The following PTCHD4 variants were observed in gnomAD, a reference collection of about 807,000 sequenced individuals.
PTCHD4 encodes the protein patched domain containing 4, also known as patched domain-containing protein 4.
A neutral mutation model predicts 58.1 loss-of-function variants in PTCHD4; 33 were observed. The observed-to-expected ratio is 0.57, with a 90% CI of 0.43 to 0.76. The LOEUF (loss-of-function observed/expected upper bound fraction) is 0.76, where lower values mean the gene tolerates loss of function less well. Ranked by LOEUF, PTCHD4 falls within the 30% of genes least tolerant of loss-of-function variation. PTCHD4 has a pLI of 0.00. For missense variants in PTCHD4, 1,058 were observed against 1,027.1 expected (o/e 1.03, Z -0.41); for synonymous variants, 478 against 409.6 (o/e 1.17, Z -2.02).
chr6:47,951,633 T>C (rs544619840), intron 4 of PTCHD4, among the ~76,000 whole-genome samples: 1 of 152,270 alleles, frequency 6.6e-6, no homozygotes, highest in South Asian at 2.1e-4. Context: ...CTGGATATTT[T>C]TGTATTTGTT....
chr6:47,982,494 T>TTTG (rs1379540317), intron 4 of PTCHD4, among the ~76,000 whole-genome samples: 2 of 149,206 alleles, frequency 1.3e-5, no homozygotes, highest in African/African-American at 4.9e-5. Context: ...TTTTTTTTTT[T>TTTG]TTTTTGTTTT....
chr6:48,048,018 TAAAAA>T (rs34442679), intron 3 of PTCHD4, among the ~76,000 whole-genome samples: 16 of 127,728 alleles, frequency 1.3e-4, no homozygotes, highest in African/African-American at 3.4e-4. Flanking sequence ...AGCATTCTAG[TAAAAA>T]AAAAAAAAAA....
intron 4 of PTCHD4, among the ~76,000 whole-genome samples, chr6:47,914,744 TTATCTATCTATCTATCTATC>T (rs148847302): frequency 8.6e-5 from 10 of 116,232 alleles, no homozygotes; most frequent in African/African-American, 2.7e-4. Context: ...TATCTATCTA[TTATCTATCTATCTATCTATC>T]TATCTATCTA....
At chr6:47,934,507 T>G (rs10485045) in intron 4 of PTCHD4, among the ~76,000 whole-genome samples, 24,122 of 152,102 alleles carry the variant, frequency 0.16, 2,296 homozygotes, top group African/African-American at 0.27. Flanking sequence ...CTAAATCTGG[T>G]AATGTAATCT....
rs923032666 is a variant in PTCHD4, at chr6:47,863,908, G to A, written c.*14395C>T. Among the ~76,000 whole-genome samples the A allele has an allele frequency of 6.6e-6, 1 of 151,974 alleles. No individual in the cohort carries two copies. The highest frequency in any genetic ancestry group is 2.4e-5 in the African/African-American group (1 of 41,414). ...ACCAACAGGTAGACTTGTCAGATAT[G>A]GCCTTAGTTCAGGTAATTTCTTTTC... On this transcript the variant is annotated 3_prime_UTR_variant, in exon 5 of 5. Coordinates refer to ENST00000339488, the MANE Select transcript of PTCHD4 (RefSeq NM_001384253.1).
Position 48,069,158 on chromosome 6 carries a change from G to A in PTCHD4, c.-201C>T, listed in dbSNP as rs1334904356. On this transcript the variant is annotated 5_prime_UTR_variant, in exon 2 of 5. Transcript: ENST00000339488. ...CCCATAAAGGGGGGGGGGGCTGAGG[G>A]GGGGAGAGGAGGGAGAAGGGCGGGA... Among the ~76,000 whole-genome samples the A allele has an allele frequency of 2.2e-5, 3 of 136,178 alleles. No homozygotes were observed. Among genetic ancestry groups the A allele is most frequent in the Admixed American group, 7.3e-5 (1 of 13,734 alleles). 89.3% of individuals were successfully genotyped at this position (136,178 alleles called of 152,430 possible).
intron 3 of PTCHD4, among the ~76,000 whole-genome samples, chr6:48,040,851 T>C (rs774223689): frequency 3.3e-5 from 5 of 152,022 alleles, no homozygotes; most frequent in Admixed American, 6.6e-5. Flanking sequence ...AATCTTCCTA[T>C]TGACCCATCA....
In PTCHD4 at chr6:47,864,926, A is replaced by T. The variant is rs563445329; in HGVS notation, c.*13377T>A. On this transcript the variant is annotated 3_prime_UTR_variant, in exon 5 of 5. Coordinates refer to ENST00000339488, the MANE Select transcript of PTCHD4 (RefSeq NM_001384253.1). Reference sequence around the variant, plus strand: ...CATAACATTGCAATACTACATCTTTATGGTAGAATAAAAGCATGTGCCTTA... The same window carrying T: ...CATAACATTGCAATACTACATCTTTTTGGTAGAATAAAAGCATGTGCCTTA... Among the ~76,000 whole-genome samples the T allele has an allele frequency of 7.9e-4, 14 of 17,794 alleles. No homozygotes were observed. The highest frequency in any genetic ancestry group is 1.7e-3 in the African/African-American group (14 of 8,184). 11.7% of individuals were successfully genotyped at this position (17,794 alleles called of 152,430 possible).
At position 47,877,415 on chromosome 6, in the gene PTCHD4, C is replaced by T. The variant is rs6939078; in HGVS notation, c.*888G>A. On this transcript the variant is annotated 3_prime_UTR_variant, in exon 5 of 5. Coordinates refer to ENST00000339488, the MANE Select transcript of PTCHD4 (RefSeq NM_001384253.1). The stretch of plus-strand genomic sequence containing the variant: ...GTCTTCCAAATACAGTAAAAGCCAA[C>T]GAAAATCCATATCAACTGTTTATTT... 0.67 allele frequency among the ~76,000 whole-genome samples: 101,355 copies of T among 151,874 alleles called. 34,311 individuals carry two copies. The highest frequency in any genetic ancestry group is 0.78 in the East Asian group (4,007 of 5,142).
At chr6:48,061,702 C>T (rs1280050215) in intron 3 of PTCHD4, among the ~76,000 whole-genome samples, 1 of 152,162 alleles carries the variant, frequency 6.6e-6, no homozygotes, top group Non-Finnish European at 1.5e-5. Context: ...TCTTAGAAAA[C>T]AAACTGAAAT....
At chr6:48,067,889 T>A (rs941924321) in intron 3 of PTCHD4, among the ~76,000 whole-genome samples, 1 of 152,308 alleles carries the variant, frequency 6.6e-6, no homozygotes, top group African/African-American at 2.4e-5. Context: ...GTCATACCAT[T>A]CATTGCCTGT....
At chr6:47,935,361 T>C (rs1265697358) in intron 4 of PTCHD4, among the ~76,000 whole-genome samples, 3 of 152,090 alleles carry the variant, frequency 2.0e-5, no homozygotes, top group Non-Finnish European at 4.4e-5. Flanking sequence ...TATGTTGGAG[T>C]CCTTTAAAAT....
In PTCHD4 at chr6:47,874,856, A is replaced by ATTCATC. The variant is rs1218139637; in HGVS notation, c.*3446_*3447insGATGAA. ...GACATCTAAACATGACTTTCATTAA[A>ATTCATC]AAGAATTAAGGCTGGTCTAAAGAAT... On this transcript the variant is annotated 3_prime_UTR_variant, in exon 5 of 5. Transcript: ENST00000339488. 6.6e-6 allele frequency among the ~76,000 whole-genome samples: 1 copy of ATTCATC among 151,850 alleles called. No homozygotes were observed. Among genetic ancestry groups the ATTCATC allele is most frequent in the East Asian group, 1.9e-4 (1 of 5,154 alleles).
intron 4 of PTCHD4, among the ~76,000 whole-genome samples, chr6:47,959,678 A>G (rs2113965152): frequency 6.6e-6 from 1 of 152,256 alleles, no homozygotes; most frequent in South Asian, 2.1e-4. Context: ...AGGACATATT[A>G]TATACATAGA....
At position 48,059,099 on chromosome 6, in the gene PTCHD4, T is replaced by C. The variant is rs1322022536; in HGVS notation, c.417+9131A>G. ...GAATGTATAATGAACCAGGTGCTGT[T>C]CTAAGCACCTTATAATCTTCCTACT... On this transcript the variant is annotated intron_variant, in intron 3 of 4. Coordinates refer to ENST00000339488, the MANE Select transcript of PTCHD4 (RefSeq NM_001384253.1). Among the ~76,000 whole-genome samples, 4 of 152,336 alleles carry C rather than the reference T, an allele frequency of 2.6e-5. No individual in the cohort carries two copies. The East Asian group carries it at 5.8e-4, about 22-fold the overall frequency.
chr6:48,065,900 T>C lies in PTCHD4; in HGVS notation c.417+2330A>G, dbSNP rs560622592. Among the ~76,000 whole-genome samples the C allele has an allele frequency of 2.1e-4, 32 of 152,324 alleles. 1 individual carries two copies. Among genetic ancestry groups the C allele is most frequent in the African/African-American group, 7.7e-4 (32 of 41,566 alleles). On this transcript the variant is annotated intron_variant, in intron 3 of 4. Coordinates refer to ENST00000339488, the MANE Select transcript of PTCHD4 (RefSeq NM_001384253.1). ...TTCTGTTCTTTTTATGCTATTATGA[T>C]ATTAACCTTTGTAATTAATGATTCC...
intron 4 of PTCHD4, among the ~76,000 whole-genome samples, chr6:47,942,606 T>C (rs1177235187): frequency 6.6e-6 from 1 of 152,150 alleles, no homozygotes; most frequent in African/African-American, 2.4e-5. Context: ...AAAAAGCAGG[T>C]CTTTTCAGTG....
intron 4 of PTCHD4, among the ~76,000 whole-genome samples, chr6:47,968,728 T>C (rs1581950111): frequency 6.6e-6 from 1 of 152,270 alleles, no homozygotes; most frequent in Non-Finnish European, 1.5e-5. Context: ...CAGGAAAATA[T>C]GTCTTGGAAA....
At chr6:47,921,394 T>C (rs1200513805) in intron 4 of PTCHD4, among the ~76,000 whole-genome samples, 1 of 152,184 alleles carries the variant, frequency 6.6e-6, no homozygotes, top group African/African-American at 2.4e-5. Flanking sequence ...AGCTTTTGTC[T>C]CTCTATTAAA....
Sources: allele counts gnomAD v4.1 joint callset (sites outside exome capture counted in the v4.1 genomes callset), GRCh38; gene constraint gnomAD v4.1.1; transcripts MANE v1.5; gene names NCBI Gene and HGNC (gene_info 2026-07-23, HGNC 2026-07-21).